The following NUBP2 variants were observed in gnomAD, a reference collection of about 807,000 sequenced individuals.
NUBP2 encodes NUBP iron-sulfur cluster assembly factor 2, cytosolic.
In NUBP2, 23 loss-of-function variants were observed where a neutral mutation model predicts 24.9. That is an observed-to-expected ratio of 0.92 (90% CI 0.66 to 1.31). NUBP2 has a LOEUF of 1.31. Among genes scored for constraint, NUBP2 ranks in the 50% most tolerant of loss-of-function variants. The pLI, the probability that NUBP2 is intolerant of heterozygous loss-of-function variation, is 0.00. For synonymous variants in NUBP2, 186 were observed against 170.9 expected (o/e 1.09, Z -0.69); for missense variants, 403 against 386.5 (o/e 1.04, Z -0.36).
intron 1 of NUBP2, chr16:1,785,321 T>G (rs1567234445): frequency 9.2e-7 from 1 of 1,082,812 alleles, no homozygotes; most frequent in Non-Finnish European, 1.1e-6. Context: ...CCCTCAGGGT[T>G]GTTGTCCCGG....
At chr16:1,786,087 T>C (rs1416769366) in intron 1 of NUBP2, 7 of 881,696 alleles carry the variant, frequency 7.9e-6, no homozygotes, top group Non-Finnish European at 1.0e-5. Flanking sequence ...CGCGTGGTTG[T>C]TGCCACCCAC....
chr16:1,785,631 G>C (rs768620179), intron 1 of NUBP2: 20 of 1,287,134 alleles, frequency 1.6e-5, no homozygotes, highest in South Asian at 6.2e-5. Context: ...GGGGCTTTGT[G>C]TTTGCAGGAG....
rs778888171 is a variant in NUBP2, at chr16:1,786,531, G to T, written c.17-6G>T. The T allele has an allele frequency of 3.8e-6, 6 of 1,588,338 alleles. No homozygotes were observed. The highest frequency in any genetic ancestry group is 1.3e-5 in the African/African-American group (1 of 74,468). On this transcript the variant is annotated splice_region_variant and splice_polypyrimidine_tract_variant and intron_variant, in intron 1 of 6. Coordinates refer to ENST00000262302, the MANE Select transcript of NUBP2 (RefSeq NM_012225.4). ...CCCTGACCTTCTCTGTCGTGTTTCCGCCCAGAGCCTGGAAACCTGGCCGGC... is the reference window on the plus strand; with the variant it reads ...CCCTGACCTTCTCTGTCGTGTTTCCTCCCAGAGCCTGGAAACCTGGCCGGC...
intron 3 of NUBP2, 183 bp downstream of exon 3, chr16:1,787,138 C>A (rs1440302419): frequency 1.1e-5 from 6 of 554,988 alleles, no homozygotes; most frequent in South Asian, 3.0e-5. Context: ...TGCTGCCACA[C>A]AGCTGTCCCC....
Position 1,788,560 on chromosome 16 carries a change from GC to G in NUBP2, c.671-6del. The G allele has an allele frequency of 6.3e-7, 1 of 1,598,568 alleles. No homozygotes were observed. Among genetic ancestry groups the G allele is most frequent in the Non-Finnish European group, 8.5e-7 (1 of 1,176,018 alleles). ...GACATGGCGCCACCGCCTCCACTGTGCCCTGCAGGCTCCGTGCCCCTGGACC... is the reference window on the plus strand; with the variant it reads ...GACATGGCGCCACCGCCTCCACTGTGCCTGCAGGCTCCGTGCCCCTGGACC... On this transcript the variant is annotated splice_region_variant and splice_polypyrimidine_tract_variant and intron_variant, in intron 6 of 6. Transcript: ENST00000262302.
rs1017467935 is a variant in NUBP2, at chr16:1,788,799, C to A, written c.*85C>A. The A allele has an allele frequency of 1.1e-5, 16 of 1,472,336 alleles. No homozygotes were observed. The highest frequency in any genetic ancestry group is 1.4e-5 in the Non-Finnish European group (16 of 1,110,016). 91.2% of individuals were successfully genotyped at this position (1,472,336 alleles called of 1,614,324 possible). On this transcript the variant is annotated 3_prime_UTR_variant, in exon 7 of 7. Transcript: ENST00000262302. Reference sequence around the variant, plus strand: ...AGAAACAGAGGCCTGGGCTCGGTTCCCGGGCCCTGCAGGGGCAGGCCCAGG... The same window carrying A: ...AGAAACAGAGGCCTGGGCTCGGTTCACGGGCCCTGCAGGGGCAGGCCCAGG...
intron 1 of NUBP2, chr16:1,785,940 A>C (rs1167383946): frequency 7.1e-6 from 9 of 1,261,190 alleles, no homozygotes; most frequent in Non-Finnish European, 9.3e-6. Flanking sequence ...ATCTGCACAC[A>C]GCAGCCCCTG....
Position 1,786,834 on chromosome 16 carries a change from G to T in NUBP2, c.213G>T (p.Gln71His), listed in dbSNP as rs753829098. 12 of 1,599,958 alleles carry T rather than the reference G, an allele frequency of 7.5e-6. No homozygotes were observed. The South Asian group carries it at 1.2e-4, about 16-fold the overall frequency. The change falls in exon 3 of 7, where the codon CAG becomes CAT. Residue 71 changes from glutamine to histidine, a missense_variant. Gln to His is a conservative substitution (Grantham distance 24, BLOSUM62 0). Transcript: ENST00000262302. ...GGGCGCAGGGCAGGGCTGTGCACCA[G>T]TGCGACCGCGGCTGGGCACCCGTCT... ...MLGAQGRAVH[Q>H]CDRGWAPVFL... is the part of the protein sequence containing the mutation.
chr16:1,785,443 T>C, intron 1 of NUBP2: 1 of 1,182,178 alleles, frequency 8.5e-7, no homozygotes, highest in African/African-American at 1.6e-5. Flanking sequence ...ACACTGCCGC[T>C]GGTGCCAGCA....
At chr16:1,785,420 C>T in intron 1 of NUBP2, 1 of 1,176,182 alleles carries the variant, frequency 8.5e-7, no homozygotes, top group Non-Finnish European at 1.1e-6. Flanking sequence ...ACGAGGAGAG[C>T]CCCTGGGGGT....
rs567227076 is a variant in NUBP2 at position 1,789,108 on chromosome 16, G to A, written c.*394G>A. ...GTTTAGCTCGGGGAGTGCCCCCTAA[G>A]GGGGCGAACTGACCTCAGGCATGTT... On this transcript the variant is annotated 3_prime_UTR_variant, in exon 7 of 7. Transcript: ENST00000262302. 2.4e-4 allele frequency: 44 copies of A among 181,096 alleles called. No homozygotes were observed. Among genetic ancestry groups the A allele is most frequent in the Non-Finnish European group, 6.9e-5 (6 of 87,446 alleles). 11.2% of individuals were successfully genotyped at this position (181,096 alleles called of 1,614,324 possible).
At chr16:1,783,573 C>T in intron 1 of NUBP2, 1 of 881,638 alleles carries the variant, frequency 1.1e-6, no homozygotes, top group African/African-American at 1.8e-5. Flanking sequence ...CGCCGTGGGC[C>T]CTCCTGAGTA....
chr16:1,787,493 C>T, intron 3 of NUBP2, 184 bp from the exon 4 acceptor site: 1 of 775,532 alleles, frequency 1.3e-6, no homozygotes, highest in Non-Finnish European at 2.1e-6. Flanking sequence ...TGTAATGGCC[C>T]CGGCCCCATC....
In NUBP2 at chr16:1,788,835, C is replaced by A. The variant is rs1065656; in HGVS notation, c.*121C>A. The A allele has an allele frequency of 5.6e-5, 72 of 1,288,530 alleles. No individual in the cohort carries two copies. The highest frequency in any genetic ancestry group is 2.5e-4 in the Middle Eastern group (1 of 4,070). 79.8% of individuals were successfully genotyped at this position (1,288,530 alleles called of 1,614,324 possible). A position where few individuals can be genotyped will look rare whatever the true frequency, so the allele number is the denominator to read the frequency against. On this transcript the variant is annotated 3_prime_UTR_variant, in exon 7 of 7. Coordinates refer to ENST00000262302, the MANE Select transcript of NUBP2 (RefSeq NM_012225.4). ...AGGGGCAGGCCCAGGCAGCGTCAGC[C>A]GGAGAGCTTCTCCCCGACCAGCCCA...
At position 1,787,834 on chromosome 16, in the gene NUBP2, A is replaced by G. The variant is rs1415222794; in HGVS notation, c.489+3A>G. ...CCCTCGTGGTCACCACGCCCCAGGT[A>G]GCGCTGCGGCACCTTCCCGAGTCCC... On this transcript the variant is annotated splice_donor_region_variant and intron_variant, in intron 4 of 6. Transcript: ENST00000262302. The G allele has an allele frequency of 3.7e-6, 6 of 1,609,228 alleles. No homozygotes were observed. The South Asian group carries it at 4.4e-5, about 12-fold the overall frequency.
chr16:1,783,250 G>C, intron 1 of NUBP2: 2 of 1,162,056 alleles, frequency 1.7e-6, no homozygotes, highest in South Asian at 4.4e-5. Flanking sequence ...CCGTGATCTC[G>C]GAGGGCCTGA....
Position 1,788,674 on chromosome 16 carries a change from C to G in NUBP2, c.776C>G (p.Ala259Gly). ...GCCTTCGCTGCACTCACCTCCATAG[C>G]CCAGAAGATTCTGGACGCGACGCCC... ...SPAFAALTSI[A>G]QKILDATPAC... The change falls in exon 7 of 7, where the codon GCC (alanine) becomes GGC (glycine). Residue 259 changes from alanine to glycine, a missense_variant. Coordinates refer to ENST00000262302, the MANE Select transcript of NUBP2 (RefSeq NM_012225.4). 1 of 1,612,436 alleles carries G rather than the reference C, an allele frequency of 6.2e-7. No individual in the cohort carries two copies. Among genetic ancestry groups the G allele is most frequent in the East Asian group, 2.2e-5 (1 of 44,874 alleles).
intron 1 of NUBP2, chr16:1,785,792 G>A: frequency 7.8e-7 from 1 of 1,289,152 alleles, no homozygotes; most frequent in Non-Finnish European, 1.0e-6. Flanking sequence ...TCAGAAGGGG[G>A]CAGGTTTTAC....
intron 1 of NUBP2, chr16:1,785,648 G>A (rs1244044759): frequency 6.2e-6 from 8 of 1,288,498 alleles, no homozygotes; most frequent in Non-Finnish European, 8.1e-6. Flanking sequence ...GGAGTGTGGG[G>A]CTGGGGCTGC....
Sources: allele counts gnomAD v4.1 joint callset, GRCh38; gene constraint gnomAD v4.1.1; transcripts MANE v1.5; gene names NCBI Gene and HGNC (gene_info 2026-07-23, HGNC 2026-07-21).